Variants in CUBN observed in about 807,000 individuals in gnomAD.
CUBN encodes the protein cubilin.
A neutral mutation model predicts 405.3 loss-of-function variants in CUBN; 282 were observed. The ratio of observed to expected loss-of-function variants is 0.70; its 90% CI spans 0.63 to 0.77. CUBN has a LOEUF of 0.77. Among genes scored for constraint, CUBN ranks in the 30% least tolerant of loss-of-function variants. The pLI, the probability that CUBN is intolerant of heterozygous loss-of-function variation, is 0.00. For missense variants in CUBN, 4,514 were observed against 4,475.2 expected (o/e 1.01, Z -0.25); for synonymous variants, 1,684 against 1,617.0 (o/e 1.04, Z -0.99).
chr10:17,077,748 G>A (rs947543991), intron 17 of CUBN, among the ~76,000 whole-genome samples: 1 of 152,146 alleles, frequency 6.6e-6, no homozygotes, highest in Non-Finnish European at 1.5e-5. Context: ...GGAGAGGAAT[G>A]AGGCCCTGCC....
chr10:17,093,029 A>G (rs949178634), intron 14 of CUBN, among the ~76,000 whole-genome samples: 5 of 152,216 alleles, frequency 3.3e-5, no homozygotes, highest in African/African-American at 4.8e-5. Flanking sequence ...TGAAAAGAGA[A>G]GCATATAAAG....
chr10:17,087,497 A>G (rs1167666386), intron 15 of CUBN, among the ~76,000 whole-genome samples: 1 of 16,064 alleles, frequency 6.2e-5, no homozygotes, highest in Non-Finnish European at 2.1e-4. Flanking sequence ...TTTTTTTTAG[A>G]CAGAGCCTCA....
chr10:16,862,643 T>A (rs1840052364), intron 59 of CUBN, among the ~76,000 whole-genome samples: 1 of 152,222 alleles, frequency 6.6e-6, no homozygotes, highest in African/African-American at 2.4e-5. Flanking sequence ...AAAGAATGTT[T>A]TAAAATTTTT....
chr10:16,928,114 G>C (rs1298596244), intron 41 of CUBN, 43 bp downstream of exon 41: 7 of 1,593,152 alleles, frequency 4.4e-6, no homozygotes, highest in Non-Finnish European at 6.0e-6. Flanking sequence ...GAAAAGAGAG[G>C]AGATGAGATA....
At chr10:16,884,284 C>A (rs779141730) in intron 56 of CUBN, among the ~76,000 whole-genome samples, 1 of 152,062 alleles carries the variant, frequency 6.6e-6, no homozygotes, top group Non-Finnish European at 1.5e-5. Flanking sequence ...GCCCGGCCTA[C>A]TATCTAATTT....
intron 27 of CUBN, among the ~76,000 whole-genome samples, chr10:17,030,607 G>A (rs944987034): frequency 2.0e-5 from 3 of 152,072 alleles, no homozygotes; most frequent in Non-Finnish European, 2.9e-5. Context: ...TCCTTCTGTG[G>A]CAGTTCTTTT....
At position 17,129,755 on chromosome 10, in the gene CUBN, A is replaced by ATGT; in HGVS notation, c.8_10dup (p.Asn3dup). 6.2e-7 allele frequency: 1 copy of ATGT among 1,614,144 alleles called. No individual in the cohort carries two copies. The highest frequency in any genetic ancestry group is 1.1e-5 in the South Asian group (1 of 91,088). Reference sequence around the variant, plus strand: ...CAAACTCCAAAGAAAAGGTAAAGACATGTTCATCATCAACCTCCCAGGTTG... The same window carrying ATGT: ...CAAACTCCAAAGAAAAGGTAAAGACATGTTGTTCATCATCAACCTCCCAGGTTG... On this transcript the variant is annotated inframe_insertion, in exon 1 of 67. Coordinates refer to ENST00000377833, the MANE Select transcript of CUBN (RefSeq NM_001081.4).
At chr10:16,952,993 G>A (rs1842959160) in intron 32 of CUBN, among the ~76,000 whole-genome samples, 1 of 152,204 alleles carries the variant, frequency 6.6e-6, no homozygotes, top group South Asian at 2.1e-4. Flanking sequence ...GGAGCATGGG[G>A]TGCCCCAGGG....
chr10:16,922,149 A>T (rs994663057), intron 43 of CUBN, among the ~76,000 whole-genome samples: 1 of 149,122 alleles, frequency 6.7e-6, no homozygotes, highest in African/African-American at 2.5e-5. Context: ...TTGTTTGTTT[A>T]CTGCCACATC....
intron 35 of CUBN, among the ~76,000 whole-genome samples, chr10:16,948,135 G>A (rs1842833996): frequency 6.6e-6 from 1 of 152,216 alleles, no homozygotes; most frequent in South Asian, 2.1e-4. Context: ...CTTGAATTGG[G>A]GAGGCAGAGG....
chr10:17,046,895 T>C lies in CUBN; in HGVS notation c.3329+519A>G, dbSNP rs1046298701. ...AGCTAACTTACTTTTACTGCAAATA[T>C]AACTTTTTAAACACATTCTTTCAAA... On this transcript the variant is annotated intron_variant, in intron 23 of 66. Transcript: ENST00000377833. Among the ~76,000 whole-genome samples, 5 of 152,130 alleles carry C rather than the reference T, an allele frequency of 3.3e-5. No individual in the cohort carries two copies. In the East Asian group the frequency reaches 9.6e-4, roughly 29 times the overall value.
intron 59 of CUBN, among the ~76,000 whole-genome samples, chr10:16,865,697 A>C (rs1319942369): frequency 1.3e-5 from 2 of 152,274 alleles, no homozygotes; most frequent in East Asian, 3.9e-4. Flanking sequence ...GGAGGATTGA[A>C]AAAAGGGCAC....
rs757199965 is a variant in CUBN at position 16,824,961 on chromosome 10, G to A, written c.*14C>T. 6.9e-6 allele frequency: 11 copies of A among 1,587,654 alleles called. No individual in the cohort carries two copies. The highest frequency in any genetic ancestry group is 3.3e-5 in the South Asian group (3 of 90,434). The stretch of plus-strand genomic sequence containing the variant: ...CAGAGGGAAAGTGCTGAGTGAACAC[G>A]AGTTGTTACCCACTTAGCTGTCCCA... On this transcript the variant is annotated 3_prime_UTR_variant, in exon 67 of 67. Coordinates refer to ENST00000377833, the MANE Select transcript of CUBN (RefSeq NM_001081.4).
In CUBN at chr10:16,840,919, C is replaced by T. The variant is rs771782031; in HGVS notation, c.9792G>A (p.Arg3264=). The part of the protein sequence containing the change: ...VQFISDLTLE[R]EGFNATYTIM... ...TGGTGTATGTAGCATTAAATCCTTC[C>T]CTCTCTAATGTTAAGTCACTGATGA... The change falls in exon 61 of 67, where the codon AGG becomes AGA. Residue 3264 remains arginine, a synonymous_variant. Transcript: ENST00000377833. 8 of 1,612,948 alleles carry T rather than the reference C, an allele frequency of 5.0e-6. No individual in the cohort carries two copies. The highest frequency in any genetic ancestry group is 6.8e-6 in the Non-Finnish European group (8 of 1,179,410).
intron 59 of CUBN, among the ~76,000 whole-genome samples, chr10:16,856,513 T>C (rs1405530311): frequency 6.6e-6 from 1 of 152,210 alleles, no homozygotes; most frequent in Non-Finnish European, 1.5e-5. Flanking sequence ...TTCCAATGAC[T>C]AAACCTCAGA....
chr10:16,886,448 T>C (rs990952127), intron 56 of CUBN, among the ~76,000 whole-genome samples: 2 of 152,176 alleles, frequency 1.3e-5, no homozygotes, highest in Admixed American at 1.3e-4. Flanking sequence ...GCAGATAAAT[T>C]GTGGTTTAGA....
intron 19 of CUBN, 69 bp from the exon 20 acceptor site, chr10:17,068,839 T>C: frequency 8.0e-7 from 1 of 1,245,124 alleles, no homozygotes; most frequent in South Asian, 1.2e-5. Flanking sequence ...AGAATAATTA[T>C]TTCTGAAATG....
chr10:16,851,901 CCTGA>C (rs1339912836), intron 59 of CUBN, among the ~76,000 whole-genome samples: 1 of 128,282 alleles, frequency 7.8e-6, no homozygotes, highest in Non-Finnish European at 1.6e-5. Context: ...TCTTTCCCTC[CCTGA>C]CTCTATCTTT....
chr10:17,051,366 AC>A (rs1835264004), intron 22 of CUBN, among the ~76,000 whole-genome samples: 1 of 152,318 alleles, frequency 6.6e-6, no homozygotes, highest in Non-Finnish European at 1.5e-5. Context: ...TCTTAAAAAA[AC>A]AAAACAAAAA....
Sources: gnomAD v4.1 joint callset for allele counts (sites outside exome capture counted in the v4.1 genomes callset) on GRCh38, gnomAD v4.1.1 for gene constraint, MANE v1.5 for transcripts, NCBI Gene and HGNC (gene_info 2026-07-23, HGNC 2026-07-21) for gene names.